The following CDK15 variants were observed in gnomAD, a reference collection of about 807,000 sequenced individuals.
CDK15 encodes the protein cyclin dependent kinase 15.
A neutral mutation model predicts 60.3 loss-of-function variants in CDK15; 62 were observed. The ratio of observed to expected loss-of-function variants is 1.03; its 90% CI spans 0.84 to 1.27. The LOEUF (loss-of-function observed/expected upper bound fraction) is 1.27, where lower values mean the gene tolerates loss of function less well. Ranked by LOEUF, CDK15 falls within the 50% of genes most tolerant of loss-of-function variation. CDK15 has a pLI of 0.00. For synonymous variants in CDK15, 194 were observed against 195.7 expected, an observed-to-expected ratio of 0.99 and a Z score of 0.07; for missense variants, 541 against 527.8, an observed-to-expected ratio of 1.03 and a Z score of -0.25.
chr2:201,879,665 G>C (rs1574936478), intron 11 of CDK15, among the ~76,000 whole-genome samples: 1 of 152,076 alleles, frequency 6.6e-6, no homozygotes, highest in East Asian at 1.9e-4. Flanking sequence ...TTTGAATCAG[G>C]CCTTTCTACT....
chr2:201,812,581 G>A lies in CDK15; in HGVS notation c.448+19G>A. 1 of 1,555,580 alleles carries A rather than the reference G, an allele frequency of 6.4e-7. No homozygotes were observed. The highest frequency in any genetic ancestry group is 8.9e-7 in the Non-Finnish European group (1 of 1,127,798). ...CGAGAAGGTAAGAACAGCAGAAATGGACCCAATAGATCTGTTTTGAGTCCT... is the reference window on the plus strand; with the variant it reads ...CGAGAAGGTAAGAACAGCAGAAATGAACCCAATAGATCTGTTTTGAGTCCT... On this transcript the variant is annotated intron_variant, in intron 4 of 13. Transcript: ENST00000652192.
chr2:201,877,341 C>T (rs1413842712), intron 11 of CDK15, among the ~76,000 whole-genome samples: 1 of 152,068 alleles, frequency 6.6e-6, no homozygotes, highest in African/African-American at 2.4e-5. Context: ...GGGGAGTATT[C>T]GAGAGAACAA....
intron 10 of CDK15, among the ~76,000 whole-genome samples, chr2:201,869,295 C>G (rs949639260): frequency 6.6e-6 from 1 of 151,522 alleles, no homozygotes; most frequent in Non-Finnish European, 1.5e-5. Flanking sequence ...AACCAAACAC[C>G]GCATGTTCTC....
At chr2:201,808,604 C>T (rs1051429538) in intron 3 of CDK15, 3 of 152,196 alleles carry the variant, frequency 2.0e-5, no homozygotes, top group East Asian at 3.9e-4. Flanking sequence ...GTTGGATGGT[C>T]GCTTTTTTCT....
At chr2:201,889,274 T>C (rs1305754331) in intron 12 of CDK15, 1 of 985,284 alleles carries the variant, frequency 1.0e-6, no homozygotes, top group Non-Finnish European at 1.2e-6. Flanking sequence ...CCCAGATTTA[T>C]GCAAATTGTG....
At chr2:201,878,309 C>T (rs1164902766) in intron 11 of CDK15, among the ~76,000 whole-genome samples, 1 of 151,424 alleles carries the variant, frequency 6.6e-6, no homozygotes, top group African/African-American at 2.4e-5. Flanking sequence ...CATGTCAGGC[C>T]TCTCTCCCCA....
intron 10 of CDK15, among the ~76,000 whole-genome samples, chr2:201,856,732 AT>A (rs1161009548): frequency 1.3e-5 from 2 of 152,140 alleles, no homozygotes; most frequent in Non-Finnish European, 2.9e-5. Flanking sequence ...TCACAGATGG[AT>A]TGTAGGAAAC....
intron 12 of CDK15, among the ~76,000 whole-genome samples, chr2:201,887,500 C>CT (rs1699493936): frequency 6.6e-6 from 1 of 152,076 alleles, no homozygotes; most frequent in Non-Finnish European, 1.5e-5. Flanking sequence ...CCTGAGTTTT[C>CT]TTCTTTTTTG....
rs551789293 is a variant in CDK15, at chr2:201,861,471, T to C, written c.1009+6534T>C. 32 of 985,210 alleles carry C rather than the reference T, an allele frequency of 3.2e-5. No individual in the cohort carries two copies. The South Asian group carries it at 1.2e-3, about 38-fold the overall frequency. The allele number at this position is 985,210 out of a possible 1,614,324, so 61.0% of individuals were successfully genotyped here. A position where few individuals can be genotyped will look rare whatever the true frequency, so the allele number is the denominator to read the frequency against. On this transcript the variant is annotated intron_variant, in intron 10 of 13. Coordinates refer to ENST00000652192, the MANE Select transcript of CDK15 (RefSeq NM_001366386.2). Reference sequence around the variant, plus strand: ...CAGGATGAGTCTGAAAAATAAATTATATTGAATTGCATCTGCTATAGTGCC... The same window carrying C: ...CAGGATGAGTCTGAAAAATAAATTACATTGAATTGCATCTGCTATAGTGCC...
At chr2:201,847,581 G>C (rs980043342) in intron 9 of CDK15, 107 bp downstream of exon 9, 2 of 888,574 alleles carry the variant, frequency 2.3e-6, no homozygotes, top group Admixed American at 2.2e-5. Context: ...GAGATATTAA[G>C]CCCTATATTA....
chr2:201,856,794 C>A (rs535994438), intron 10 of CDK15, among the ~76,000 whole-genome samples: 2 of 152,180 alleles, frequency 1.3e-5, no homozygotes, highest in East Asian at 3.9e-4. Context: ...ATGCTGCTCC[C>A]CCAAACTTCA....
intron 10 of CDK15, among the ~76,000 whole-genome samples, chr2:201,864,287 G>A (rs189888169): frequency 6.6e-6 from 1 of 152,170 alleles, no homozygotes; most frequent in Admixed American, 6.5e-5. Flanking sequence ...TAGGGAAATG[G>A]CCCTCTTAAT....
At chr2:201,808,428 C>G (rs959523675) in intron 3 of CDK15, among the ~76,000 whole-genome samples, 1 of 152,102 alleles carries the variant, frequency 6.6e-6, no homozygotes, top group African/African-American at 2.4e-5. Flanking sequence ...ATGGTACATG[C>G]AAAAGATGAT....
intron 12 of CDK15, among the ~76,000 whole-genome samples, chr2:201,880,573 C>G (rs367830167): frequency 1.3e-5 from 2 of 152,140 alleles, no homozygotes; most frequent in African/African-American, 4.8e-5. Context: ...ATAGGTGAAG[C>G]GGATATGTCC....
intron 10 of CDK15, among the ~76,000 whole-genome samples, chr2:201,858,049 A>G (rs1045437988): frequency 2.6e-5 from 4 of 152,160 alleles, no homozygotes; most frequent in Non-Finnish European, 5.9e-5. Context: ...ATTTTGAGGG[A>G]GTCCAGTTGT....
chr2:201,817,700 A>G (rs1277344594), intron 4 of CDK15, among the ~76,000 whole-genome samples: 1 of 152,244 alleles, frequency 6.6e-6, no homozygotes, highest in African/African-American at 2.4e-5. Flanking sequence ...TGAATTGCCA[A>G]TGACCACAAA....
At chr2:201,860,756 A>ATACT in intron 10 of CDK15, 1 of 1,352,188 alleles carries the variant, frequency 7.4e-7, no homozygotes, top group Non-Finnish European at 9.8e-7. Flanking sequence ...AGCAAGAAAC[A>ATACT]GCATGGATGG....
chr2:201,845,496 A>G (rs1296916627), intron 8 of CDK15, among the ~76,000 whole-genome samples: 2 of 150,390 alleles, frequency 1.3e-5, no homozygotes, highest in African/African-American at 4.9e-5. Flanking sequence ...TCACATCTGT[A>G]GTCCTAGCAT....
chr2:201,846,901 G>A (rs543567105), intron 8 of CDK15, among the ~76,000 whole-genome samples: 4 of 152,120 alleles, frequency 2.6e-5, no homozygotes, highest in Non-Finnish European at 5.9e-5. Flanking sequence ...TATGCTATAT[G>A]AGAAAATAAT....
Sources: gnomAD v4.1 joint callset for allele counts (sites outside exome capture counted in the v4.1 genomes callset) on GRCh38, gnomAD v4.1.1 for gene constraint, MANE v1.5 for transcripts, NCBI Gene and HGNC (gene_info 2026-07-23, HGNC 2026-07-21) for gene names.